The following HRH1 variants were observed in gnomAD, a reference collection of about 807,000 sequenced individuals.
The protein encoded by HRH1 is histamine H1 receptor.
A neutral mutation model predicts 10.3 loss-of-function variants in HRH1; 6 were observed. The observed-to-expected ratio is 0.58, with a 90% confidence interval of 0.32 to 1.15. The LOEUF is 1.15. Ranked by LOEUF, HRH1 falls within the 50% of genes most tolerant of loss-of-function variation. The pLI, the probability that HRH1 is intolerant of heterozygous loss-of-function variation, is 0.05. For missense variants in HRH1, 514 were observed against 615.3 expected (o/e 0.84, Z 1.74); for synonymous variants, 242 against 236.7 (o/e 1.02, Z -0.21).
intron 1 of HRH1, among the ~76,000 whole-genome samples, chr3:11,253,964 G>A (rs1939720565): frequency 6.6e-6 from 1 of 152,140 alleles, no homozygotes. Context: ...CTGCTTGGGG[G>A]AGAGGAAGGT....
chr3:11,151,284 T>C (rs570777238), upstream of HRH1, among the ~76,000 whole-genome samples: 1 of 152,276 alleles, frequency 6.6e-6, no homozygotes, highest in East Asian at 1.9e-4. Flanking sequence ...CTAATAAAAG[T>C]GGCACATATG....
chr3:11,176,399 A>G (rs1937249818), intron 1 of HRH1, among the ~76,000 whole-genome samples: 1 of 151,866 alleles, frequency 6.6e-6, no homozygotes, highest in Non-Finnish European at 1.5e-5. Context: ...TCCCCCTCCC[A>G]CTATTTCCAG....
intron 1 of HRH1, among the ~76,000 whole-genome samples, chr3:11,163,700 C>T (rs933944642): frequency 6.6e-6 from 1 of 152,154 alleles, no homozygotes; most frequent in East Asian, 1.9e-4. Context: ...ATTACATTAG[C>T]ATATAAGTAC....
At chr3:11,161,669 C>T (rs541158491) in intron 1 of HRH1, among the ~76,000 whole-genome samples, 7 of 152,292 alleles carry the variant, frequency 4.6e-5, no homozygotes, top group East Asian at 3.9e-4. Context: ...TTGAATGGAA[C>T]GGCTTTCCAG....
intron 1 of HRH1, among the ~76,000 whole-genome samples, chr3:11,173,747 A>C (rs1359556777): frequency 6.6e-6 from 1 of 152,184 alleles, no homozygotes; most frequent in African/African-American, 2.4e-5. Context: ...TTCATATAAC[A>C]TAGAGGAATT....
upstream of HRH1, among the ~76,000 whole-genome samples, chr3:11,150,496 G>C (rs1049337618): frequency 6.6e-6 from 1 of 152,262 alleles, no homozygotes; most frequent in South Asian, 2.1e-4. Context: ...CTCCCTGCCC[G>C]GACATCTCCG....
chr3:11,152,746 G>T (rs1337557288), upstream of HRH1, among the ~76,000 whole-genome samples: 1 of 151,814 alleles, frequency 6.6e-6, no homozygotes, highest in East Asian at 1.9e-4. Flanking sequence ...GTTCCAAAGG[G>T]TGCATTAGTC....
At chr3:11,241,510 G>C (rs1410517576) in intron 1 of HRH1, among the ~76,000 whole-genome samples, 1 of 151,948 alleles carries the variant, frequency 6.6e-6, no homozygotes, top group East Asian at 1.9e-4. Context: ...GCACCAATCA[G>C]CACTCTGTAG....
chr3:11,258,905 C>G (rs1050477841), intron 1 of HRH1, 98 bp from the exon 2 acceptor site: 33 of 818,902 alleles, frequency 4.0e-5, no homozygotes, highest in Middle Eastern at 7.1e-4. Context: ...GTTGATCACC[C>G]CCAACAGCAT....
At chr3:11,181,788 C>G (rs530008787) in intron 1 of HRH1, among the ~76,000 whole-genome samples, 2 of 152,156 alleles carry the variant, frequency 1.3e-5, no homozygotes, top group East Asian at 3.9e-4. Context: ...CCCGCCACTG[C>G]GCCCAGCTAA....
intron 1 of HRH1, among the ~76,000 whole-genome samples, chr3:11,184,493 G>A (rs577802221): frequency 4.3e-4 from 66 of 152,128 alleles, no homozygotes; most frequent in African/African-American, 1.5e-3. Context: ...GTCTGAGGTC[G>A]GCTTCCTCCC....
chr3:11,246,652 G>T (rs1939498253), intron 1 of HRH1, among the ~76,000 whole-genome samples: 1 of 152,150 alleles, frequency 6.6e-6, no homozygotes, highest in Admixed American at 6.5e-5. Flanking sequence ...ACCCCTAAAT[G>T]TTTAAAATGC....
intron 1 of HRH1, among the ~76,000 whole-genome samples, chr3:11,254,122 G>A (rs970702610): frequency 3.3e-5 from 5 of 152,072 alleles, no homozygotes; most frequent in African/African-American, 9.7e-5. Context: ...CCTATCTTTT[G>A]TCTTACTTGC....
chr3:11,168,919 A>T (rs1559258639), intron 1 of HRH1, among the ~76,000 whole-genome samples: 1 of 152,280 alleles, frequency 6.6e-6, no homozygotes, highest in Middle Eastern at 3.4e-3. Context: ...TCTCCAACTT[A>T]TTTAAATCCC....
intron 1 of HRH1, among the ~76,000 whole-genome samples, chr3:11,183,224 T>C (rs1042006335): frequency 2.0e-4 from 30 of 152,156 alleles, no homozygotes; most frequent in African/African-American, 6.3e-4. Flanking sequence ...AGTGCTGAGT[T>C]TGGGGGACAA....
At chr3:11,174,974 C>T (rs1367534656) in intron 1 of HRH1, among the ~76,000 whole-genome samples, 2 of 152,156 alleles carry the variant, frequency 1.3e-5, no homozygotes, top group East Asian at 3.9e-4. Context: ...CAACAGGGTC[C>T]CACTTGGTGT....
chr3:11,215,519 C>T lies in HRH1; in HGVS notation c.-35-43484C>T, dbSNP rs562785648. On this transcript the variant is annotated intron_variant, in intron 1 of 1. Transcript: ENST00000431010. The stretch of plus-strand genomic sequence containing the variant: ...GCAGTGGCACGATCTCAGCTCACTG[C>T]AAGCTCTGCCTCCCAGGCTGACGCC... Among the ~76,000 whole-genome samples, 6 of 152,308 alleles carry T rather than the reference C, an allele frequency of 3.9e-5. No homozygotes were observed. The East Asian group carries it at 1.2e-3, about 29-fold the overall frequency.
At chr3:11,233,168 T>C (rs1360399094) in intron 1 of HRH1, among the ~76,000 whole-genome samples, 1 of 152,200 alleles carries the variant, frequency 6.6e-6, no homozygotes, top group Non-Finnish European at 1.5e-5. Flanking sequence ...TTTTCAGCCA[T>C]TATTTCTCAA....
intron 1 of HRH1, among the ~76,000 whole-genome samples, chr3:11,137,594 G>A (rs1180702092): frequency 6.6e-6 from 1 of 152,130 alleles, no homozygotes; most frequent in African/African-American, 2.4e-5. Context: ...GGCACAAGGT[G>A]GGAGGAGTCA....
Sources: allele counts gnomAD v4.1 joint callset (sites outside exome capture counted in the v4.1 genomes callset), GRCh38; gene constraint gnomAD v4.1.1; transcripts MANE v1.5; gene names NCBI Gene and HGNC (gene_info 2026-07-23, HGNC 2026-07-21).